Variants in LDHAL6A observed in about 807,000 individuals in gnomAD.
LDHAL6A encodes lactate dehydrogenase A like 6A, also known as L-lactate dehydrogenase A-like 6A.
Under a neutral mutation model 28.2 loss-of-function variants are expected in LDHAL6A, and 19 were observed. That is an observed-to-expected ratio of 0.67 (90% confidence interval 0.47 to 0.99). LDHAL6A has a LOEUF of 0.99. Among genes scored for constraint, LDHAL6A ranks in the 50% least tolerant of loss-of-function variants. The pLI is 0.00. For synonymous variants in LDHAL6A, 144 were observed against 134.4 expected, an observed-to-expected ratio of 1.07 and a Z score of -0.49; for missense variants, 372 against 398.6, an observed-to-expected ratio of 0.93 and a Z score of 0.57.
intron 3 of LDHAL6A, among the ~76,000 whole-genome samples, chr11:18,474,489 C>G (rs947062039): frequency 3.3e-5 from 5 of 151,862 alleles, no homozygotes; most frequent in African/African-American, 1.2e-4. Flanking sequence ...CGGGTTCAAG[C>G]AATTCTCCTG....
At chr11:18,461,459 A>G (rs1198864604) in intron 1 of LDHAL6A, among the ~76,000 whole-genome samples, 2 of 152,086 alleles carry the variant, frequency 1.3e-5, no homozygotes, top group Admixed American at 1.3e-4. Context: ...ATTTACTTCT[A>G]AGCACTAACA....
At chr11:18,473,855 T>C (rs958500019) in intron 3 of LDHAL6A, among the ~76,000 whole-genome samples, 7 of 152,236 alleles carry the variant, frequency 4.6e-5, no homozygotes, top group Admixed American at 1.3e-4. Context: ...AATGTATGTT[T>C]GCTTTGGATT....
chr11:18,458,683 G>A (rs1268425074), intron 1 of LDHAL6A, among the ~76,000 whole-genome samples: 1 of 152,138 alleles, frequency 6.6e-6, no homozygotes, highest in Non-Finnish European at 1.5e-5. Flanking sequence ...TTATTGTCAG[G>A]AATTTGTGGT....
chr11:18,471,858 A>ATTT lies in LDHAL6A; in HGVS notation c.419-3594_419-3592dup, dbSNP rs200224050. ...AATTGTTGATTTAAGAGTATTTAGG[A>ATTT]TTTTTTTTTTTTTTTTACAAATTAA... On this transcript the variant is annotated intron_variant, in intron 3 of 6. Coordinates refer to ENST00000280706, the MANE Select transcript of LDHAL6A (RefSeq NM_144972.5). Among the ~76,000 whole-genome samples the ATTT allele has an allele frequency of 4.8e-3, 669 of 139,100 alleles. 6 individuals carry two copies. The highest frequency in any genetic ancestry group is 0.017 in the African/African-American group (645 of 38,158). 91.3% of individuals were successfully genotyped at this position (139,100 alleles called of 152,430 possible).
intron 5 of LDHAL6A, among the ~76,000 whole-genome samples, 155 bp from the exon 6 acceptor site, chr11:18,477,463 AAG>A (rs1491008638): frequency 2.6e-5 from 4 of 151,498 alleles, no homozygotes; most frequent in East Asian, 1.9e-4. Context: ...AAAAAAAAAA[AAG>A]AAGAAAGAAA....
rs1848807331 is a variant in LDHAL6A at position 18,458,230 on chromosome 11, A to G, written c.126+1424A>G. Among the ~76,000 whole-genome samples, 3 of 152,160 alleles carry G rather than the reference A, an allele frequency of 2.0e-5. No homozygotes were observed. In the South Asian group the frequency reaches 6.2e-4, roughly 32 times the overall value. On this transcript the variant is annotated intron_variant, in intron 1 of 6. Coordinates refer to ENST00000280706, the MANE Select transcript of LDHAL6A (RefSeq NM_144972.5). The stretch of plus-strand genomic sequence containing the variant: ...CTATCCATGATGGGAGGTCCTAGAT[A>G]GATCTCAGGTGGAGGTGGTGGATAG...
At chr11:18,476,139 TAG>T (rs2133891115) in intron 4 of LDHAL6A, among the ~76,000 whole-genome samples, 1 of 152,318 alleles carries the variant, frequency 6.6e-6, no homozygotes, top group Admixed American at 6.5e-5. Flanking sequence ...GGAGAAAAAC[TAG>T]AACTTCCTAG....
chr11:18,469,927 ATAATT>A (rs1849216946), intron 3 of LDHAL6A, among the ~76,000 whole-genome samples: 1 of 152,204 alleles, frequency 6.6e-6, no homozygotes, highest in South Asian at 2.1e-4. Context: ...CCCCCGAATG[ATAATT>A]TTATTTATTT....
At chr11:18,466,789 T>C (rs1294494395) in intron 3 of LDHAL6A, among the ~76,000 whole-genome samples, 1 of 152,206 alleles carries the variant, frequency 6.6e-6, no homozygotes, top group Non-Finnish European at 1.5e-5. Flanking sequence ...TATAGTTTAC[T>C]GCCTGACTCT....
At chr11:18,471,780 A>AC (rs1418261213) in intron 3 of LDHAL6A, among the ~76,000 whole-genome samples, 7 of 151,034 alleles carry the variant, frequency 4.6e-5, no homozygotes, top group South Asian at 2.1e-4. Context: ...AAAAAAAAAA[A>AC]AATTTTTTCC....
chr11:18,475,645 C>A lies in LDHAL6A; in HGVS notation c.592+6C>A, dbSNP rs1565075610. 1.1e-5 allele frequency: 18 copies of A among 1,608,068 alleles called. No individual in the cohort carries two copies. Among genetic ancestry groups the A allele is most frequent in the Non-Finnish European group, 1.5e-5 (18 of 1,177,372 alleles). On this transcript the variant is annotated splice_donor_region_variant and intron_variant, in intron 4 of 6. Coordinates refer to ENST00000280706, the MANE Select transcript of LDHAL6A (RefSeq NM_144972.5). ...AGAGCATGGCGACTCAAGTGGTAAG[C>A]CTGAGGCACGATTGAGCCTCTGAAA... is the stretch of plus-strand genomic sequence containing the variant.
chr11:18,478,654 A>G (rs1849453923), intron 6 of LDHAL6A, 52 bp from the exon 7 acceptor site: 2 of 1,406,996 alleles, frequency 1.4e-6, no homozygotes, highest in South Asian at 2.4e-5. Flanking sequence ...GTTGTTTCTC[A>G]TATTGCAGAA....
At chr11:18,459,758 A>G (rs962088937) in intron 1 of LDHAL6A, among the ~76,000 whole-genome samples, 1 of 152,170 alleles carries the variant, frequency 6.6e-6, no homozygotes, top group Non-Finnish European at 1.5e-5. Context: ...ATGATACCAC[A>G]TGACGTTTAG....
At chr11:18,471,760 A>C (rs760858460) in intron 3 of LDHAL6A, among the ~76,000 whole-genome samples, 24 of 137,890 alleles carry the variant, frequency 1.7e-4, no homozygotes, top group Non-Finnish European at 1.6e-4. Context: ...CCCTGTCTCT[A>C]TTAAAAAAAA....
intron 3 of LDHAL6A, among the ~76,000 whole-genome samples, chr11:18,473,977 T>C (rs1362866300): frequency 6.6e-6 from 1 of 152,230 alleles, no homozygotes; most frequent in Non-Finnish European, 1.5e-5. Flanking sequence ...ATATCTATCT[T>C]TTTCTTTAAA....
At chr11:18,465,374 C>T (rs12791114) in intron 2 of LDHAL6A, among the ~76,000 whole-genome samples, 26,436 of 150,988 alleles carry the variant, frequency 0.18, 2,466 homozygotes, top group Middle Eastern at 0.26. Context: ...GGACCCACCT[C>T]GACCTCCCAA....
chr11:18,469,965 G>A (rs1267988337), intron 3 of LDHAL6A, among the ~76,000 whole-genome samples: 3 of 151,540 alleles, frequency 2.0e-5, no homozygotes, highest in African/African-American at 7.2e-5. Flanking sequence ...GTCTCTGTCT[G>A]TCACCCAGGC....
intron 4 of LDHAL6A, among the ~76,000 whole-genome samples, chr11:18,475,944 G>T (rs992221111): frequency 5.3e-5 from 8 of 152,162 alleles, no homozygotes; most frequent in Admixed American, 2.0e-4. Context: ...GTTCAGAAAG[G>T]TCAGCAGTGT....
Position 18,463,974 on chromosome 11 carries a change from A to T in LDHAL6A, c.140A>T (p.Glu47Val). The stretch of plus-strand genomic sequence containing the variant: ...AATGTTTTTCAGGGTTTGAGTGATG[A>T]ACTTGTCCTTGTGGATGTTGATGAA... ...ISILLKGLSD[E>V]LVLVDVDEGK... is the part of the protein sequence containing the mutation. The change falls in exon 2 of 7, where the codon GAA (glutamate) becomes GTA (valine). Residue 47 changes from glutamate to valine, a missense_variant. Around this residue, in one of 3 missense-constraint regions of LDHAL6A, gnomAD observed 77 missense variants for 77.9 expected, o/e 0.99. Coordinates refer to ENST00000280706, the MANE Select transcript of LDHAL6A (RefSeq NM_144972.5). 1 of 1,612,350 alleles carries T rather than the reference A, an allele frequency of 6.2e-7. No homozygotes were observed. The highest frequency in any genetic ancestry group is 8.5e-7 in the Non-Finnish European group (1 of 1,178,536).
Sources: gnomAD v4.1 joint callset for allele counts (sites outside exome capture counted in the v4.1 genomes callset) on GRCh38, gnomAD v4.1.1 for gene constraint, gnomAD v4.1.1 regional missense constraint, MANE v1.5 for transcripts, NCBI Gene and HGNC (gene_info 2026-07-23, HGNC 2026-07-21) for gene names.